SMARCA2: variants seen among roughly 807,000 people sequenced by gnomAD.
SMARCA2 encodes SWI/SNF-related matrix-associated actin-dependent regulator of chromatin subfamily A member 2.
A neutral mutation model predicts 199.8 loss-of-function variants in SMARCA2; 61 were observed. The observed-to-expected ratio is 0.31, with a 90% confidence interval of 0.25 to 0.38. The LOEUF is 0.38. Among genes scored for constraint, SMARCA2 ranks in the 10% least tolerant of loss-of-function variants. The probability of loss-of-function intolerance (pLI) is 1.00; values close to 1 mark genes in which losing one functional copy is unlikely to be tolerated. For missense variants in SMARCA2, 1,344 were observed against 2,012.2 expected (o/e 0.67, Z 6.35); for synonymous variants, 935 against 732.0 (o/e 1.28, Z -4.48).
At chr9:2,067,781 C>G (rs1820909181) in intron 9 of SMARCA2, among the ~76,000 whole-genome samples, 1 of 152,096 alleles carries the variant, frequency 6.6e-6, no homozygotes, top group African/African-American at 2.4e-5. Context: ...GATTTGATAC[C>G]TAATAGAACT....
chr9:2,143,341 T>G (rs1824556549), intron 27 of SMARCA2, among the ~76,000 whole-genome samples: 1 of 152,222 alleles, frequency 6.6e-6, no homozygotes, highest in South Asian at 2.1e-4. Context: ...CTGGAGGCTA[T>G]GCATGACCAA....
At position 2,104,198 on chromosome 9, in the gene SMARCA2, G is replaced by A; in HGVS notation, c.3292+29G>A. On this transcript the variant is annotated intron_variant, in intron 23 of 33. Coordinates refer to ENST00000349721, the MANE Select transcript of SMARCA2 (RefSeq NM_003070.5). The surrounding 1 kb of genome is among the most constrained non-coding windows in gnomAD (Gnocchi z 4.0). ...AGTGCATAAGGCATTAGGCTCGGAA[G>A]CCATACTACTGAAAATGAAGGGATA... is the stretch of plus-strand genomic sequence containing the variant. 1 of 1,591,532 alleles carries A rather than the reference G, an allele frequency of 6.3e-7. No individual in the cohort carries two copies. Among genetic ancestry groups the A allele is most frequent in the Non-Finnish European group, 8.6e-7 (1 of 1,164,474 alleles).
At chr9:2,121,933 G>A (rs1474058967) in intron 26 of SMARCA2, among the ~76,000 whole-genome samples, 1 of 152,128 alleles carries the variant, frequency 6.6e-6, no homozygotes, top group African/African-American at 2.4e-5. Flanking sequence ...GTACTTGTAA[G>A]CATAAGGTTT....
In SMARCA2 at chr9:2,115,230, T is replaced by C. The variant is rs1572743; in HGVS notation, c.3457-592T>C. 0.28 allele frequency among the ~76,000 whole-genome samples: 43,298 copies of C among 151,934 alleles called. 7,355 individuals carry two copies. The highest frequency in any genetic ancestry group is 0.49 in the African/African-American group (20,083 of 41,368). On this transcript the variant is annotated intron_variant, in intron 24 of 33. Transcript: ENST00000349721. The surrounding 1 kb of genome is among the most constrained non-coding windows in gnomAD (Gnocchi z 6.0). ...TGACAAATTTCTGTCCCCAAAAGTT[T>C]ACCAGTTGACTACCCAACTAGCAAT...
At chr9:2,069,643 A>G (rs1055743843) in intron 9 of SMARCA2, among the ~76,000 whole-genome samples, 1 of 152,174 alleles carries the variant, frequency 6.6e-6, no homozygotes, top group Non-Finnish European at 1.5e-5. Context: ...TACACATGGT[A>G]GAAATACTAT....
chr9:2,136,214 G>A (rs1351718063), intron 27 of SMARCA2, among the ~76,000 whole-genome samples: 2 of 136,466 alleles, frequency 1.5e-5, no homozygotes, highest in Non-Finnish European at 3.1e-5. Flanking sequence ...TTAAGATACA[G>A]TTTCAATCTG....
At chr9:2,067,047 G>A (rs1464630566) in intron 9 of SMARCA2, among the ~76,000 whole-genome samples, 5 of 152,178 alleles carry the variant, frequency 3.3e-5, no homozygotes, top group South Asian at 2.1e-4. Flanking sequence ...AATGATGGGA[G>A]GAGTTGATAT....
At chr9:2,164,214 A>G (rs1825830951) in intron 28 of SMARCA2, among the ~76,000 whole-genome samples, 1 of 152,182 alleles carries the variant, frequency 6.6e-6, no homozygotes, top group Admixed American at 6.5e-5. Flanking sequence ...TGAGTTTATG[A>G]CTTCCTGGTA....
At chr9:2,067,968 A>G (rs773950781) in intron 9 of SMARCA2, among the ~76,000 whole-genome samples, 6 of 152,198 alleles carry the variant, frequency 3.9e-5, no homozygotes, top group Non-Finnish European at 8.8e-5. Flanking sequence ...TGAAGTGGTG[A>G]TCCAATTCCA....
intron 27 of SMARCA2, chr9:2,157,656 G>C (rs1215684363): frequency 8.0e-6 from 3 of 377,350 alleles, no homozygotes; most frequent in Non-Finnish European, 1.4e-5. Context: ...CCACTGTAAG[G>C]ACTGTGCCAC....
intron 10 of SMARCA2, among the ~76,000 whole-genome samples, chr9:2,071,338 A>G (rs1821077701): frequency 6.6e-6 from 1 of 152,232 alleles, no homozygotes. Flanking sequence ...AAGGAAAGAA[A>G]GGATCAGGAT....
At chr9:2,185,637 G>A (rs1488794440) in intron 31 of SMARCA2, among the ~76,000 whole-genome samples, 1 of 152,136 alleles carries the variant, frequency 6.6e-6, no homozygotes, top group Non-Finnish European at 1.5e-5. Flanking sequence ...TCAGACATGT[G>A]TATCCATTAA....
At chr9:2,079,867 CCTTCTAAGCAGT>C (rs1243576797) in intron 14 of SMARCA2, 1 of 152,196 alleles carries the variant, frequency 6.6e-6, no homozygotes, top group Admixed American at 6.5e-5. Flanking sequence ...CATCCAACAC[CCTTCTAAGCAGT>C]CTTCATCACT....
chr9:2,178,052 C>G (rs1826744896), intron 29 of SMARCA2, among the ~76,000 whole-genome samples: 1 of 149,752 alleles, frequency 6.7e-6, no homozygotes, highest in South Asian at 2.1e-4. Flanking sequence ...TGAAGCATAA[C>G]AAATTAAATC....
intron 28 of SMARCA2, among the ~76,000 whole-genome samples, chr9:2,166,085 T>A (rs1022175352): frequency 4.0e-4 from 61 of 152,324 alleles, no homozygotes; most frequent in Non-Finnish European, 5.9e-5. Context: ...ACTTGGAACC[T>A]CAGAGAATAA....
At chr9:2,102,312 C>G (rs1426116911) in intron 22 of SMARCA2, among the ~76,000 whole-genome samples, 1 of 152,178 alleles carries the variant, frequency 6.6e-6, no homozygotes, top group East Asian at 1.9e-4. Flanking sequence ...CTCCTTGCCT[C>G]TCTCTTCTCT....
rs1182127992 is a variant in SMARCA2, at chr9:2,039,946, G to A, written c.790+46G>A. Reference sequence around the variant, plus strand: ...ATGAATAATGCCATGGTCCAACTCGGATAACAAAGACTGCTCACCAAAACA... The same window carrying A: ...ATGAATAATGCCATGGTCCAACTCGAATAACAAAGACTGCTCACCAAAACA... On this transcript the variant is annotated intron_variant, in intron 4 of 33. Transcript: ENST00000349721. This position sits in a 1 kb window ranked among gnomAD's most constrained non-coding sequence, Gnocchi z 4.8. 1.9e-6 allele frequency: 3 copies of A among 1,600,052 alleles called. No individual in the cohort carries two copies. Among genetic ancestry groups the A allele is most frequent in the Non-Finnish European group, 2.6e-6 (3 of 1,173,504 alleles).
chr9:2,140,970 G>A (rs562498415), intron 27 of SMARCA2, among the ~76,000 whole-genome samples: 2 of 152,200 alleles, frequency 1.3e-5, no homozygotes, highest in South Asian at 4.1e-4. Flanking sequence ...CTGGCGCAGT[G>A]ATTTTTGCTT....
At chr9:2,147,965 C>G (rs959512108) in intron 27 of SMARCA2, among the ~76,000 whole-genome samples, 3 of 151,696 alleles carry the variant, frequency 2.0e-5, no homozygotes, top group Non-Finnish European at 4.4e-5. Context: ...TCCCAGAGTG[C>G]TGGGATTACA....
Sources: gnomAD v4.1 joint callset for allele counts (sites outside exome capture counted in the v4.1 genomes callset) on GRCh38, gnomAD v4.1.1 for gene constraint, Gnocchi (gnomAD v3.1) non-coding constraint, MANE v1.5 for transcripts, NCBI Gene and HGNC (gene_info 2026-07-23, HGNC 2026-07-21) for gene names.